PCDHGB3: variants seen among roughly 807,000 people sequenced by gnomAD.
PCDHGB3 encodes protocadherin gamma-B3.
PCDHGB3 carries 40 observed loss-of-function variants against 59.2 expected under a neutral mutation model. The ratio of observed to expected loss-of-function variants is 0.68; its 90% CI spans 0.52 to 0.88. The LOEUF (loss-of-function observed/expected upper bound fraction) is 0.88. PCDHGB3 is among the 40% of genes least tolerant of loss of function. PCDHGB3 has a pLI of 0.00. For missense variants in PCDHGB3, 1,309 were observed against 1,187.9 expected (o/e 1.10, Z -1.50); for synonymous variants, 581 against 503.6 (o/e 1.15, Z -2.06).
rs371280575 is a variant in PCDHGB3 at position 141,393,339 on chromosome 5, C to T, written c.2415+20530C>T. ...CCAGAGCTACCAGCTCAGCCCCAAT[C>T]ACCACTTCTCCCTGGACGTGCAGAC... On this transcript the variant is annotated intron_variant, in intron 1 of 3. Coordinates refer to ENST00000576222, the MANE Select transcript of PCDHGB3 (RefSeq NM_018924.5). 109 of 1,613,800 alleles carry T rather than the reference C, an allele frequency of 6.8e-5. No individual in the cohort carries two copies. The highest frequency in any genetic ancestry group is 9.2e-5 in the Non-Finnish European group (109 of 1,179,890).
chr5:141,437,719 TA>T (rs1316054877), intron 1 of PCDHGB3, among the ~76,000 whole-genome samples: 1 of 151,332 alleles, frequency 6.6e-6, no homozygotes, highest in African/African-American at 2.4e-5. Context: ...AGTTACCCTC[TA>T]ATGTTACACT....
chr5:141,473,476 A>G (rs1300050332), intron 1 of PCDHGB3, among the ~76,000 whole-genome samples: 15 of 151,558 alleles, frequency 9.9e-5, no homozygotes, highest in Admixed American at 9.2e-4. Context: ...GCCAAGTTCA[A>G]TGGAAAAAAT....
intron 1 of PCDHGB3, chr5:141,383,530 G>A: frequency 6.2e-7 from 1 of 1,612,674 alleles, no homozygotes; most frequent in Non-Finnish European, 8.5e-7. Flanking sequence ...TCACCACCTG[G>A]TCCTCACAGC....
chr5:141,371,295 C>G lies in PCDHGB3; in HGVS notation c.901C>G (p.Leu301Val), dbSNP rs1362756223. ...CAAGCTGGACAGTAAAACGGGGGAA[C>G]TCACCACTATTGGAGAACTGGACTT... ...LFKLDSKTGE[L>V]TTIGELDFEE... Residue 301 changes from leucine (L) to valine (V), a missense_variant, in exon 1 of 4, where the codon CTC (leucine) becomes GTC (valine). Leu to Val is a conservative substitution (Grantham distance 32). Transcript: ENST00000576222. 3 of 1,613,880 alleles carry G rather than the reference C, an allele frequency of 1.9e-6. No individual in the cohort carries two copies. Among genetic ancestry groups the G allele is most frequent in the Non-Finnish European group, 2.5e-6 (3 of 1,179,896 alleles).
intron 1 of PCDHGB3, chr5:141,376,519 T>C (rs1281722134): frequency 1.2e-6 from 2 of 1,613,930 alleles, no homozygotes; most frequent in Non-Finnish European, 1.7e-6. Context: ...TGAGTTTCTT[T>C]CCGCCTAAGC....
chr5:141,383,634 T>C, intron 1 of PCDHGB3: 1 of 1,613,914 alleles, frequency 6.2e-7, no homozygotes, highest in Non-Finnish European at 8.5e-7. Flanking sequence ...TCTCTCTGCC[T>C]CAGTACCAAG....
intron 1 of PCDHGB3, chr5:141,399,873 C>T (rs1331485851): frequency 1.9e-6 from 3 of 1,612,836 alleles, no homozygotes; most frequent in Non-Finnish European, 2.5e-6. Context: ...AGCCCGGCTA[C>T]CTGGTGACCA....
At chr5:141,382,637 G>A (rs993305735) in intron 1 of PCDHGB3, 3 of 381,072 alleles carry the variant, frequency 7.9e-6, no homozygotes, top group African/African-American at 2.1e-5. Context: ...TCAATGTGGT[G>A]CAGTAACTTA....
Position 141,477,902 on chromosome 5 carries a change from T to A in PCDHGB3, c.2416-16905T>A. ...CCACCTAGTGTCACGGGTGGTAGGC[T>A]GGGACGCGGATGCAGGGCACAATGC... On this transcript the variant is annotated intron_variant, in intron 1 of 3. Transcript: ENST00000576222. The surrounding 1 kb of genome is among the most constrained non-coding windows in gnomAD (Gnocchi z 4.9). The A allele has an allele frequency of 6.2e-7, 1 of 1,614,176 alleles. No homozygotes were observed. Among genetic ancestry groups the A allele is most frequent in the Non-Finnish European group, 8.5e-7 (1 of 1,180,028 alleles).
chr5:141,453,796 T>C (rs1592274016), intron 1 of PCDHGB3, among the ~76,000 whole-genome samples: 1 of 152,242 alleles, frequency 6.6e-6, no homozygotes, highest in East Asian at 1.9e-4. Context: ...ATATTAACTT[T>C]GAGTAGTTCC....
At chr5:141,409,830 G>T in intron 1 of PCDHGB3, 1 of 1,611,250 alleles carries the variant, frequency 6.2e-7, no homozygotes, top group South Asian at 1.1e-5. Flanking sequence ...CCCACGCTCA[G>T]CGCCAACGTG....
intron 1 of PCDHGB3, chr5:141,393,457 C>T (rs780177231): frequency 1.9e-6 from 3 of 1,614,050 alleles, no homozygotes; most frequent in East Asian, 2.2e-5. Flanking sequence ...CTCACGGCCT[C>T]GGATGGCGGC....
At chr5:141,392,930 G>A (rs568235859) in intron 1 of PCDHGB3, 2 of 1,613,790 alleles carry the variant, frequency 1.2e-6, no homozygotes, top group Non-Finnish European at 1.7e-6. Flanking sequence ...CAGAAGAGAC[G>A]GACAAAGGCT....
At chr5:141,380,816 A>C (rs546532723) in intron 1 of PCDHGB3, among the ~76,000 whole-genome samples, 1 of 152,374 alleles carries the variant, frequency 6.6e-6, no homozygotes, top group East Asian at 1.9e-4. Flanking sequence ...AGATGAAACT[A>C]TGAATTTTGA....
chr5:141,388,812 G>A, intron 1 of PCDHGB3: 3 of 1,613,934 alleles, frequency 1.9e-6, no homozygotes, highest in Non-Finnish European at 2.5e-6. Context: ...TTTTGAAGAA[G>A]TCAAAGAATA....
chr5:141,486,714 C>G lies in PCDHGB3; in HGVS notation c.2416-8093C>G. On this transcript the variant is annotated intron_variant, in intron 1 of 3. Transcript: ENST00000576222. This position sits in a 1 kb window ranked among gnomAD's most constrained non-coding sequence, Gnocchi z 5.0. ...TCTTTCATCTCTCTGAACCCCCAGA[C>G]AGGAGCTGTTCATGCTACTCGATCC... 1.2e-6 allele frequency: 2 copies of G among 1,614,216 alleles called. No individual in the cohort carries two copies. Among genetic ancestry groups the G allele is most frequent in the African/African-American group, 1.3e-5 (1 of 75,062 alleles).
intron 1 of PCDHGB3, chr5:141,393,311 C>T: frequency 6.2e-7 from 1 of 1,613,484 alleles, no homozygotes; most frequent in Non-Finnish European, 8.5e-7. Context: ...GCGTGAACTC[C>T]CTCCAGAGCT....
chr5:141,372,278 G>C lies in PCDHGB3; in HGVS notation c.1884G>C (p.Thr628=), dbSNP rs756938433. ...SLGLRTGEVR[T]ARTLGDREAA... ...GCCTGCGCACGGGTGAGGTGCGCACGGCGCGTACCTTGGGCGACAGGGAGG... is the reference window on the plus strand; with the variant it reads ...GCCTGCGCACGGGTGAGGTGCGCACCGCGCGTACCTTGGGCGACAGGGAGG... Residue 628 remains threonine, a synonymous_variant, in exon 1 of 4, where the codon ACG becomes ACC. Coordinates refer to ENST00000576222, the MANE Select transcript of PCDHGB3 (RefSeq NM_018924.5). The C allele has an allele frequency of 1.2e-6, 2 of 1,613,032 alleles. No individual in the cohort carries two copies. The highest frequency in any genetic ancestry group is 1.7e-5 in the Admixed American group (1 of 59,996).
chr5:141,371,090 C>A lies in PCDHGB3; in HGVS notation c.696C>A (p.Val232=), dbSNP rs764906419. 14 of 1,613,702 alleles carry A rather than the reference C, an allele frequency of 8.7e-6. No individual in the cohort carries two copies. Among genetic ancestry groups the A allele is most frequent in the Non-Finnish European group, 1.2e-5 (14 of 1,179,766 alleles). ...GTACCACCCAGATCAGGGTAATTGT[C>A]GCAGATGCAAATGATAACCCCCCAG... ...RSCTTQIRVI[V]ADANDNPPVF... Residue 232 remains valine, a synonymous_variant, in exon 1 of 4, where the codon GTC becomes GTA. Coordinates refer to ENST00000576222, the MANE Select transcript of PCDHGB3 (RefSeq NM_018924.5).
Sources: allele counts gnomAD v4.1 joint callset (sites outside exome capture counted in the v4.1 genomes callset), GRCh38; gene constraint gnomAD v4.1.1; non-coding constraint Gnocchi (gnomAD v3.1); transcripts MANE v1.5; gene names NCBI Gene and HGNC (gene_info 2026-07-23, HGNC 2026-07-21).